The following RARB variants were observed in gnomAD, a reference collection of about 807,000 sequenced individuals.
RARB encodes the protein retinoic acid receptor beta.
Under a neutral mutation model 51.9 loss-of-function variants are expected in RARB, and 17 were observed. The ratio of observed to expected loss-of-function variants is 0.33; its 90% CI spans 0.22 to 0.49. The LOEUF is 0.49. Ranked by LOEUF, RARB falls within the 20% of genes least tolerant of loss-of-function variation. The pLI is 0.99. For missense variants in RARB, 369 were observed against 550.8 expected, an observed-to-expected ratio of 0.67 and a Z score of 3.30; for synonymous variants, 215 against 195.4, an observed-to-expected ratio of 1.10 and a Z score of -0.84.
At position 24,942,204 on chromosome 3, in the gene RARB, T is replaced by TA. The variant is rs578036010; in HGVS notation, c.-380+83452_-380+83453insA. 2.6e-4 allele frequency among the ~76,000 whole-genome samples: 40 copies of TA among 152,358 alleles called. 1 individual carries two copies. In the East Asian group the frequency reaches 4.8e-3, roughly 18 times the overall value. ...CCTGGTTCAACTAAAGATTCACTTA[T>TA]TTTAACACCTCCTGTATGCTGTCAC... On this transcript the variant is annotated intron_variant, in intron 2 of 11. Transcript: ENST00000383772.
chr3:25,430,989 T>A (rs1708182861), intron 1 of RARB, among the ~76,000 whole-genome samples: 2 of 43,868 alleles, frequency 4.6e-5, no homozygotes, highest in Admixed American at 1.8e-4. Flanking sequence ...AAACTAAAAC[T>A]TTTTTTTTTT....
chr3:25,222,547 T>C (rs555780918), intron 5 of RARB, among the ~76,000 whole-genome samples: 1 of 151,950 alleles, frequency 6.6e-6, no homozygotes, highest in Admixed American at 6.6e-5. Context: ...CTCCAATAAA[T>C]AGAAGATAGA....
chr3:25,266,955 C>T (rs1366045305), intron 5 of RARB, among the ~76,000 whole-genome samples: 7 of 152,176 alleles, frequency 4.6e-5, no homozygotes, highest in Admixed American at 3.3e-4. Context: ...GATGTGGCAG[C>T]CCAAGCAGAC....
At chr3:24,958,840 T>C (rs1433862636) in intron 2 of RARB, among the ~76,000 whole-genome samples, 2 of 152,318 alleles carry the variant, frequency 1.3e-5, no homozygotes, top group Admixed American at 6.5e-5. Context: ...TCTAGTAGTA[T>C]TTTAGTCAAA....
intron 3 of RARB, among the ~76,000 whole-genome samples, chr3:25,540,266 T>C (rs1170678144): frequency 6.6e-6 from 1 of 152,236 alleles, no homozygotes; most frequent in Non-Finnish European, 1.5e-5. Flanking sequence ...TTTAATCCTG[T>C]AAGATATTTC....
intron 5 of RARB, among the ~76,000 whole-genome samples, chr3:25,361,210 C>A (rs549034658): frequency 6.6e-6 from 1 of 152,118 alleles, no homozygotes; most frequent in Non-Finnish European, 1.5e-5. Context: ...CTTGTCTTTA[C>A]GCTTTATTTC....
intron 5 of RARB, among the ~76,000 whole-genome samples, chr3:25,183,311 C>T (rs1700901723): frequency 6.6e-6 from 1 of 151,984 alleles, no homozygotes; most frequent in Non-Finnish European, 1.5e-5. Context: ...TGTCTTTATC[C>T]TGACAGCTAC....
At chr3:25,040,979 G>A (rs1698102422) in intron 2 of RARB, among the ~76,000 whole-genome samples, 1 of 152,158 alleles carries the variant, frequency 6.6e-6, no homozygotes, top group Non-Finnish European at 1.5e-5. Flanking sequence ...CATTCATGCT[G>A]TATCAACGGA....
chr3:25,086,107 T>C (rs1699099762), intron 3 of RARB, among the ~76,000 whole-genome samples: 1 of 152,152 alleles, frequency 6.6e-6, no homozygotes, highest in African/African-American at 2.4e-5. Context: ...GATAACATAA[T>C]GGAGGTTCAG....
chr3:25,436,739 G>C (rs763674056), intron 1 of RARB, among the ~76,000 whole-genome samples: 3 of 152,150 alleles, frequency 2.0e-5, no homozygotes, highest in Non-Finnish European at 2.9e-5. Context: ...GTACCTCAAA[G>C]GCTTTCTAGA....
rs79347713 is a variant in RARB at position 25,031,902 on chromosome 3, C to T, written c.-379-28223C>T. Among the ~76,000 whole-genome samples the T allele has an allele frequency of 2.2e-3, 333 of 152,276 alleles. 2 individuals carry two copies. The highest frequency in any genetic ancestry group is 7.4e-3 in the African/African-American group (308 of 41,550). On this transcript the variant is annotated intron_variant, in intron 2 of 11. Transcript: ENST00000383772. ...ACTCTAAACCTGACCTGAATAGAAT[C>T]CACATCAGGAAAAATACATTAAGAA... is the stretch of plus-strand genomic sequence containing the variant.
intron 2 of RARB, among the ~76,000 whole-genome samples, chr3:25,055,273 T>C (rs1223170481): frequency 1.3e-5 from 2 of 152,186 alleles, no homozygotes; most frequent in African/African-American, 4.8e-5. Context: ...AGGTATCCTA[T>C]AGTTCATTGA....
intron 2 of RARB, among the ~76,000 whole-genome samples, chr3:24,939,810 A>G (rs1197110204): frequency 1.3e-5 from 2 of 152,230 alleles, no homozygotes; most frequent in Non-Finnish European, 2.9e-5. Flanking sequence ...AATGCATTCT[A>G]CATTGAAAGT....
intron 2 of RARB, among the ~76,000 whole-genome samples, chr3:24,989,093 T>A (rs1696857135): frequency 6.6e-6 from 1 of 152,248 alleles, no homozygotes; most frequent in Non-Finnish European, 1.5e-5. Context: ...CCCAAAGTGC[T>A]GGGATTACAG....
At chr3:25,068,670 T>G (rs1698711350) in intron 3 of RARB, among the ~76,000 whole-genome samples, 1 of 152,138 alleles carries the variant, frequency 6.6e-6, no homozygotes, top group Admixed American at 6.5e-5. Flanking sequence ...TTGACTGGGC[T>G]TATATGTCCT....
intron 3 of RARB, among the ~76,000 whole-genome samples, chr3:25,086,442 T>A (rs1699107065): frequency 6.6e-6 from 1 of 152,116 alleles, no homozygotes; most frequent in African/African-American, 2.4e-5. Context: ...CTCAGAAAAA[T>A]TTTTTAACTT....
chr3:25,351,161 C>T lies in RARB; in HGVS notation c.179-110032C>T, dbSNP rs112822866. ...GGTTAGTGAGCATTAGCTATTCATG[C>T]CTAAAAAGAGGCTTAACCAGGTAGT... On this transcript the variant is annotated intron_variant, in intron 5 of 11. Transcript: ENST00000383772. Among the ~76,000 whole-genome samples, 159 of 152,232 alleles carry T rather than the reference C, an allele frequency of 1.0e-3. 1 individual carries two copies. The highest frequency in any genetic ancestry group is 3.4e-3 in the Middle Eastern group (1 of 294).
Position 24,917,780 on chromosome 3 carries a change from G to A in RARB, c.-380+59028G>A, listed in dbSNP as rs561446206. Among the ~76,000 whole-genome samples the A allele has an allele frequency of 5.3e-5, 8 of 152,194 alleles. 1 individual carries two copies. On this transcript the variant is annotated intron_variant, in intron 2 of 11. Coordinates refer to the RARB transcript ENST00000383772. Reference sequence around the variant, plus strand: ...GACCTCAGGTGATCTGCCTCCTTCGGCGTCCTAAAGTGCTGGGCTTACAGG... The same window carrying A: ...GACCTCAGGTGATCTGCCTCCTTCGACGTCCTAAAGTGCTGGGCTTACAGG...
chr3:24,979,285 G>A (rs747720638), intron 2 of RARB, among the ~76,000 whole-genome samples: 2 of 152,218 alleles, frequency 1.3e-5, no homozygotes, highest in Non-Finnish European at 2.9e-5. Context: ...GTCCAGAGCT[G>A]AGGTCAAGTC....
Sources: allele counts gnomAD v4.1 joint callset (sites outside exome capture counted in the v4.1 genomes callset), GRCh38; gene constraint gnomAD v4.1.1; transcripts MANE v1.5; gene names NCBI Gene and HGNC (gene_info 2026-07-23, HGNC 2026-07-21).